The following ANKS1B variants were observed in gnomAD, a reference collection of about 807,000 sequenced individuals.
ANKS1B encodes the protein ankyrin repeat and sterile alpha motif domain containing 1B.
ANKS1B carries 36 observed loss-of-function variants against 148.3 expected under a neutral mutation model. That is an observed-to-expected ratio of 0.24 (90% CI 0.19 to 0.32). The LOEUF (loss-of-function observed/expected upper bound fraction) is 0.32. ANKS1B is among the 10% of genes least tolerant of loss of function. The pLI, the probability that ANKS1B is intolerant of heterozygous loss-of-function variation, is 1.00. For synonymous variants in ANKS1B, 542 were observed against 560.8 expected (o/e 0.97, Z 0.47); for missense variants, 1,157 against 1,542.6 (o/e 0.75, Z 4.19).
intron 14 of ANKS1B, among the ~76,000 whole-genome samples, chr12:99,171,343 C>T (rs1456178266): frequency 6.6e-6 from 1 of 152,098 alleles, no homozygotes; most frequent in Non-Finnish European, 1.5e-5. Context: ...AAAGGATAGC[C>T]ATTCTGAAAT....
At chr12:98,968,055 T>A (rs1180242279) in intron 17 of ANKS1B, among the ~76,000 whole-genome samples, 3 of 152,002 alleles carry the variant, frequency 2.0e-5, no homozygotes. Context: ...ACAGGGAAAG[T>A]ACCAGTAGAA....
chr12:99,618,051 T>A (rs1284538920), intron 9 of ANKS1B, among the ~76,000 whole-genome samples: 1 of 152,176 alleles, frequency 6.6e-6, no homozygotes, highest in Non-Finnish European at 1.5e-5. Context: ...ATGCTTTCCA[T>A]AACTCACTCT....
chr12:99,596,058 G>A (rs2097756106), intron 9 of ANKS1B, among the ~76,000 whole-genome samples: 1 of 151,802 alleles, frequency 6.6e-6, no homozygotes, highest in Admixed American at 6.6e-5. Flanking sequence ...AAATTAGTTG[G>A]TAGACTCTTC....
intron 17 of ANKS1B, among the ~76,000 whole-genome samples, chr12:99,030,487 A>T (rs2099951417): frequency 1.4e-5 from 2 of 145,458 alleles, no homozygotes; most frequent in African/African-American, 5.2e-5. Flanking sequence ...TTAAATTCCT[A>T]TCTTAGCATC....
At chr12:99,523,771 C>A (rs1423864215) in intron 9 of ANKS1B, among the ~76,000 whole-genome samples, 3 of 152,036 alleles carry the variant, frequency 2.0e-5, no homozygotes, top group Non-Finnish European at 4.4e-5. Context: ...CCAGGATGGT[C>A]TCAATCTCCT....
intron 12 of ANKS1B, among the ~76,000 whole-genome samples, chr12:99,366,800 CA>C (rs2092795549): frequency 6.6e-6 from 1 of 151,782 alleles, no homozygotes; most frequent in African/African-American, 2.4e-5. Context: ...AACTATGACT[CA>C]AAATACGGAA....
At chr12:99,174,071 G>T (rs1194948861) in intron 14 of ANKS1B, among the ~76,000 whole-genome samples, 1 of 152,190 alleles carries the variant, frequency 6.6e-6, no homozygotes, top group African/African-American at 2.4e-5. Flanking sequence ...CTTACTAAGA[G>T]ATCCTCTTCC....
chr12:99,018,696 C>T (rs185784935), intron 17 of ANKS1B, among the ~76,000 whole-genome samples: 1 of 152,248 alleles, frequency 6.6e-6, no homozygotes, highest in Non-Finnish European at 1.5e-5. Context: ...GTAATCCCAG[C>T]ACTTTGGGAG....
intron 17 of ANKS1B, among the ~76,000 whole-genome samples, chr12:99,017,008 G>A (rs2099942983): frequency 6.6e-6 from 1 of 152,126 alleles, no homozygotes; most frequent in Non-Finnish European, 1.5e-5. Flanking sequence ...GAGTTGAAGG[G>A]GTTGTGGGCA....
At chr12:98,958,694 T>C (rs1017505138) in intron 17 of ANKS1B, among the ~76,000 whole-genome samples, 14 of 152,342 alleles carry the variant, frequency 9.2e-5, no homozygotes, top group African/African-American at 3.4e-4. Flanking sequence ...CATTTGAATA[T>C]ATTAATAAGC....
chr12:98,965,710 A>G (rs916157942), intron 17 of ANKS1B, among the ~76,000 whole-genome samples: 2 of 152,234 alleles, frequency 1.3e-5, no homozygotes, highest in African/African-American at 4.8e-5. Context: ...ATAGAGACCA[A>G]TGGAACAGAA....
chr12:99,650,794 A>T (rs1479377693), intron 9 of ANKS1B, among the ~76,000 whole-genome samples: 1 of 152,124 alleles, frequency 6.6e-6, no homozygotes, highest in Admixed American at 6.5e-5. Flanking sequence ...AAAAACTGGA[A>T]ATTAGATCAT....
chr12:98,810,876 G>A (rs535488322), intron 19 of ANKS1B, among the ~76,000 whole-genome samples: 2 of 152,154 alleles, frequency 1.3e-5, no homozygotes, highest in Non-Finnish European at 2.9e-5. Context: ...GTCAGTCTTG[G>A]GGCTTAAAAA....
At chr12:98,989,963 TAAA>T (rs902311623) in intron 17 of ANKS1B, among the ~76,000 whole-genome samples, 1 of 93,418 alleles carries the variant, frequency 1.1e-5, no homozygotes, top group Non-Finnish European at 2.3e-5. Flanking sequence ...GGAAAGAAAA[TAAA>T]AAAAAGAAAG....
At chr12:99,034,907 A>G (rs2099954548) in intron 17 of ANKS1B, among the ~76,000 whole-genome samples, 1 of 152,208 alleles carries the variant, frequency 6.6e-6, no homozygotes, top group African/African-American at 2.4e-5. Context: ...ACAAATGCAC[A>G]TATATTCAGA....
chr12:99,688,140 CCCCA>C, intron 8 of ANKS1B, among the ~76,000 whole-genome samples: 1 of 152,292 alleles, frequency 6.6e-6, no homozygotes, highest in Non-Finnish European at 1.5e-5. Context: ...ATAAAACATT[CCCCA>C]CTCTGTGGGA....
At chr12:99,856,270 G>A (rs572498053) in intron 1 of ANKS1B, among the ~76,000 whole-genome samples, 14 of 152,182 alleles carry the variant, frequency 9.2e-5, no homozygotes, top group African/African-American at 3.1e-4. Context: ...GATCATCCAA[G>A]GCTACTATGA....
chr12:99,080,943 G>A (rs927255933), intron 16 of ANKS1B, among the ~76,000 whole-genome samples: 1 of 152,184 alleles, frequency 6.6e-6, no homozygotes, highest in African/African-American at 2.4e-5. Flanking sequence ...AAAGCTTTTA[G>A]AGCTGAGAAA....
intron 14 of ANKS1B, among the ~76,000 whole-genome samples, chr12:99,164,545 T>C (rs1221650297): frequency 6.6e-6 from 1 of 152,086 alleles, no homozygotes; most frequent in Non-Finnish European, 1.5e-5. Flanking sequence ...TATTTTTCCC[T>C]GCTCTAATGA....
Sources: gnomAD v4.1 joint callset for allele counts (sites outside exome capture counted in the v4.1 genomes callset) on GRCh38, gnomAD v4.1.1 for gene constraint, MANE v1.5 for transcripts, NCBI Gene and HGNC (gene_info 2026-07-23, HGNC 2026-07-21) for gene names.